Variants in MARS1 observed in about 807,000 individuals in gnomAD.
The protein encoded by MARS1 is methionine--tRNA ligase, cytoplasmic.
A neutral mutation model predicts 119.5 loss-of-function variants in MARS1; 80 were observed. The observed-to-expected ratio is 0.67, with a 90% CI of 0.56 to 0.81. The LOEUF (loss-of-function observed/expected upper bound fraction) is 0.81. Among genes scored for constraint, MARS1 ranks in the 30% least tolerant of loss-of-function variants. The pLI, the probability that MARS1 is intolerant of heterozygous loss-of-function variation, is 0.00. For missense variants in MARS1, 945 were observed against 1,116.5 expected, an observed-to-expected ratio of 0.85 and a Z score of 2.19; for synonymous variants, 418 against 433.4, an observed-to-expected ratio of 0.96 and a Z score of 0.44.
At chr12:57,493,559 A>G (rs1381084020) in intron 7 of MARS1, among the ~76,000 whole-genome samples, 2 of 11,376 alleles carry the variant, frequency 1.8e-4, no homozygotes, top group African/African-American at 2.4e-4. Flanking sequence ...TATATAATAT[A>G]TAATATATTA....
intron 19 of MARS1, 101 bp from the exon 20 acceptor site, chr12:57,516,144 A>G: frequency 7.4e-7 from 1 of 1,359,206 alleles, no homozygotes; most frequent in Non-Finnish European, 1.1e-6. Context: ...ACTAGAAGAG[A>G]CCTTCGACTT....
chr12:57,502,588 C>T (rs1319628752), intron 10 of MARS1, among the ~76,000 whole-genome samples: 1 of 151,866 alleles, frequency 6.6e-6, no homozygotes, highest in South Asian at 2.1e-4. Flanking sequence ...TGCCTGTAAT[C>T]CCAGCTACCA....
At chr12:57,491,922 C>A (rs1265001107) in intron 7 of MARS1, among the ~76,000 whole-genome samples, 2 of 152,176 alleles carry the variant, frequency 1.3e-5, no homozygotes, top group Admixed American at 6.5e-5. Context: ...TGTCATGGGA[C>A]TTTCTGTCTG....
intron 11 of MARS1, among the ~76,000 whole-genome samples, chr12:57,510,617 G>GA (rs969413743): frequency 2.7e-5 from 4 of 150,446 alleles, no homozygotes; most frequent in African/African-American, 9.8e-5. Context: ...AAAAAAAAAA[G>GA]AAAATTTTTT....
chr12:57,513,606 T>G (rs1594834233), intron 15 of MARS1, among the ~76,000 whole-genome samples: 1 of 124,878 alleles, frequency 8.0e-6, no homozygotes, highest in South Asian at 2.5e-4. Context: ...AAGAGGGAGA[T>G]CCTGTCTCAA....
At chr12:57,515,829 A>G (rs1425304852) in intron 18 of MARS1, 91 bp from the exon 19 acceptor site, 1 of 921,982 alleles carries the variant, frequency 1.1e-6, no homozygotes, top group African/African-American at 1.7e-5. Flanking sequence ...TCTAAAACAC[A>G]TCAGAGATTG....
Position 57,515,155 on chromosome 12 carries a change from G to A in MARS1, c.2210G>A (p.Arg737Gln), listed in dbSNP as rs1877729649. ...RIKGSEADRQRAGTVTGLAVN... is the reference protein window; with the variant it reads ...RIKGSEADRQQAGTVTGLAVN... ...TAATGTCTCCTCTTCCTCAGGCAAC[G>A]GGCAGGAACAGTGACTGGCTTGGCA... Residue 737 changes from arginine to glutamine, a missense_variant, in exon 18 of 21, where the codon CGG becomes CAG. Coordinates refer to ENST00000262027, the MANE Select transcript of MARS1 (RefSeq NM_004990.4). The A allele has an allele frequency of 1.9e-6, 3 of 1,614,150 alleles. No individual in the cohort carries two copies. The highest frequency in any genetic ancestry group is 2.5e-6 in the Non-Finnish European group (3 of 1,180,032).
rs573879701 is a variant in MARS1, at chr12:57,497,918, G to C, written c.771-239G>C. Among the ~76,000 whole-genome samples, 5 of 152,186 alleles carry C rather than the reference G, an allele frequency of 3.3e-5. No homozygotes were observed. The East Asian group carries it at 7.7e-4, about 24-fold the overall frequency. ...GGGACAGAAATTGGTGTTGAACAAG[G>C]CTCCTTCATAGCAGTACAGGAGACT... is the stretch of plus-strand genomic sequence containing the variant. On this transcript the variant is annotated intron_variant, in intron 7 of 20. Transcript: ENST00000262027.
At chr12:57,515,791 A>G (rs1565652666) in intron 18 of MARS1, 129 bp from the exon 19 acceptor site, 4 of 716,450 alleles carry the variant, frequency 5.6e-6, no homozygotes, top group Non-Finnish European at 9.7e-6. Flanking sequence ...AAATCAGCAG[A>G]TATTAGCTCA....
chr12:57,488,599 C>T, intron 1 of MARS1: 2 of 1,551,054 alleles, frequency 1.3e-6, no homozygotes, highest in Non-Finnish European at 1.7e-6. Context: ...CACACACGTT[C>T]CTTTCTGTTT....
At position 57,489,019 on chromosome 12, in the gene MARS1, A is replaced by AT. The variant is rs1290323790; in HGVS notation, c.112dup (p.Cys38LeufsTer10). 6.2e-7 allele frequency: 1 copy of AT among 1,603,698 alleles called. No individual in the cohort carries two copies. The highest frequency in any genetic ancestry group is 2.2e-5 in the East Asian group (1 of 44,712). ...AACCCATTTTCCATTCTTGCATCAG[A>AT]TTGTGTGGTCCCGTTCCTGACCCGG... On this transcript the variant is annotated frameshift_variant and splice_region_variant, in exon 2 of 21. Coordinates refer to ENST00000262027, the MANE Select transcript of MARS1 (RefSeq NM_004990.4). LOFTEE classifies it high-confidence loss of function.
intron 4 of MARS1, 60 bp from the exon 5 acceptor site, chr12:57,489,830 TATTACC>T: frequency 7.1e-7 from 1 of 1,404,620 alleles, no homozygotes; most frequent in Non-Finnish European, 1.0e-6. Flanking sequence ...AAATGTTAGA[TATTACC>T]ATTGGGAAGA....
intron 7 of MARS1, among the ~76,000 whole-genome samples, chr12:57,490,855 C>A (rs1875906084): frequency 6.8e-6 from 1 of 147,426 alleles, no homozygotes; most frequent in Non-Finnish European, 1.5e-5. Context: ...CCATCTGCAC[C>A]CATGTTTTTC....
intron 7 of MARS1, among the ~76,000 whole-genome samples, chr12:57,495,479 G>T (rs1594816539): frequency 6.6e-6 from 1 of 151,748 alleles, no homozygotes; most frequent in South Asian, 2.1e-4. Flanking sequence ...TTCCTAGACA[G>T]GTTGACGGCG....
chr12:57,492,231 A>G (rs941891919), intron 7 of MARS1, among the ~76,000 whole-genome samples: 1 of 150,432 alleles, frequency 6.6e-6, no homozygotes, highest in Non-Finnish European at 1.5e-5. Flanking sequence ...GTGCGCCAAG[A>G]TCATGCCACT....
chr12:57,508,496 C>CA (rs1246628656), intron 11 of MARS1, among the ~76,000 whole-genome samples: 1 of 152,176 alleles, frequency 6.6e-6, no homozygotes, highest in African/African-American at 2.4e-5. Flanking sequence ...CCGTCTCTAC[C>CA]AAAAAAATAC....
chr12:57,499,438 AC>A (rs1307432261), intron 9 of MARS1, among the ~76,000 whole-genome samples: 160 of 135,388 alleles, frequency 1.2e-3, no homozygotes, highest in Non-Finnish European at 4.8e-4. Flanking sequence ...TACTAAAAAT[AC>A]AAAAAAAAAA....
intron 10 of MARS1, among the ~76,000 whole-genome samples, chr12:57,503,017 C>G (rs991842956): frequency 1.3e-5 from 2 of 152,038 alleles, no homozygotes; most frequent in African/African-American, 4.8e-5. Flanking sequence ...CAGAGTGAGA[C>G]TTCGTCTCAA....
intron 20 of MARS1, 28 bp downstream of exon 20, chr12:57,516,365 T>G: frequency 6.2e-7 from 1 of 1,613,308 alleles, no homozygotes; most frequent in Admixed American, 1.7e-5. Flanking sequence ...TGTGGGAGAC[T>G]GGACAAGCTG....
Sources: allele counts gnomAD v4.1 joint callset (sites outside exome capture counted in the v4.1 genomes callset), GRCh38; gene constraint gnomAD v4.1.1; transcripts MANE v1.5; gene names NCBI Gene and HGNC (gene_info 2026-07-23, HGNC 2026-07-21).